The following EIF4G1 variants were observed in gnomAD, a reference collection of about 807,000 sequenced individuals.
EIF4G1 encodes eukaryotic translation initiation factor 4 gamma 1.
Under a neutral mutation model 187.8 loss-of-function variants are expected in EIF4G1, and 4 were observed. The ratio of observed to expected loss-of-function variants is 0.02; its 90% CI spans 0.01 to 0.05. The LOEUF is 0.05. Ranked by LOEUF, EIF4G1 falls within the 10% of genes least tolerant of loss-of-function variation. The pLI, the probability that EIF4G1 is intolerant of heterozygous loss-of-function variation, is 1.00. For synonymous variants in EIF4G1, 844 were observed against 781.4 expected (o/e 1.08, Z -1.34); for missense variants, 1,647 against 2,081.1 (o/e 0.79, Z 4.06).
rs1162063362 is a variant in EIF4G1 at position 184,326,052 on chromosome 3, GACTA to G, written c.3222+105_3222+108del. 11 of 1,286,474 alleles carry G rather than the reference GACTA, an allele frequency of 8.6e-6. No individual in the cohort carries two copies. The Admixed American group carries it at 1.8e-4, about 21-fold the overall frequency. 79.7% of individuals were successfully genotyped at this position (1,286,474 alleles called of 1,614,324 possible). A position where few individuals can be genotyped will look rare whatever the true frequency, so the allele number is the denominator to read the frequency against. ...GGTGACAGCTGAATGTTTCCTCTTA[GACTA>G]ACTGGTTGGATTGCTGGAGACAGGA... On this transcript the variant is annotated intron_variant, in intron 21 of 32. Coordinates refer to ENST00000346169, the MANE Select transcript of EIF4G1 (RefSeq NM_198241.3).
rs953513178 is a variant in EIF4G1, at chr3:184,316,129, C to T, written c.61-3C>T. 1.2e-6 allele frequency: 2 copies of T among 1,614,188 alleles called. No individual in the cohort carries two copies. The highest frequency in any genetic ancestry group is 2.2e-5 in the East Asian group (1 of 44,888). ...TTGCTGAACTCTGGTCTCCCCTCTTCAGCCAGCGTTTCCCCCGGGGCAGAC... is the reference window on the plus strand; with the variant it reads ...TTGCTGAACTCTGGTCTCCCCTCTTTAGCCAGCGTTTCCCCCGGGGCAGAC... On this transcript the variant is annotated splice_region_variant and splice_polypyrimidine_tract_variant and intron_variant, in intron 3 of 32. Coordinates refer to ENST00000346169, the MANE Select transcript of EIF4G1 (RefSeq NM_198241.3).
In EIF4G1 at chr3:184,334,971, G is replaced by T; in HGVS notation, c.*63G>T. On this transcript the variant is annotated 3_prime_UTR_variant, in exon 33 of 33. Coordinates refer to ENST00000346169, the MANE Select transcript of EIF4G1 (RefSeq NM_198241.3). The surrounding 1 kb of genome is among the most constrained non-coding windows in gnomAD (Gnocchi z 5.8). Reference sequence around the variant, plus strand: ...CACAGATGGCCCGGCTAGCCGCCTGGACTGCAGGGGGGCGGCAGCAGCGGC... The same window carrying T: ...CACAGATGGCCCGGCTAGCCGCCTGTACTGCAGGGGGGCGGCAGCAGCGGC... The T allele has an allele frequency of 6.2e-7, 1 of 1,603,368 alleles. No individual in the cohort carries two copies. The highest frequency in any genetic ancestry group is 1.7e-5 in the Admixed American group (1 of 58,956).
At chr3:184,322,275 T>C (rs776083137) in intron 10 of EIF4G1, 87 bp from the exon 11 acceptor site, 75 of 1,531,730 alleles carry the variant, frequency 4.9e-5, no homozygotes, top group Non-Finnish European at 6.5e-5. Context: ...ATACTGTTCT[T>C]TGGCTGCTTT....
chr3:184,329,421 A>G (rs531964422), intron 28 of EIF4G1, among the ~76,000 whole-genome samples: 4 of 152,326 alleles, frequency 2.6e-5, no homozygotes, highest in Non-Finnish European at 4.4e-5. Flanking sequence ...TCACGAGGTC[A>G]GGAGTTCAAG....
chr3:184,328,304 CTGCT>C, intron 26 of EIF4G1: 1 of 482,454 alleles, frequency 2.1e-6, no homozygotes, highest in Non-Finnish European at 3.8e-6. Flanking sequence ...GGCAGGAGAA[CTGCT>C]TGAACCCGGG....
Position 184,325,713 on chromosome 3 carries a change from T to A in EIF4G1, c.3121+74T>A, listed in dbSNP as rs757929059. 1.2e-6 allele frequency: 2 copies of A among 1,612,778 alleles called. No individual in the cohort carries two copies. The highest frequency in any genetic ancestry group is 3.3e-5 in the Admixed American group (2 of 60,014). ...GTTATACTTTCCTCTGATGACTTCC[T>A]GTTAGTGCCACGTGTCTGGGCCACT... On this transcript the variant is annotated intron_variant, in intron 20 of 32. Transcript: ENST00000346169. The surrounding 1 kb of genome is among the most constrained non-coding windows in gnomAD (Gnocchi z 5.2).
chr3:184,325,774 G>A lies in EIF4G1; in HGVS notation c.3122-77G>A, dbSNP rs765663346. Reference sequence around the variant, plus strand: ...GATGGAACTGAGGATCTGAGGAAGGGAGGCTGGGGGTGGCCCAAGGGGAAG... The same window carrying A: ...GATGGAACTGAGGATCTGAGGAAGGAAGGCTGGGGGTGGCCCAAGGGGAAG... On this transcript the variant is annotated intron_variant, in intron 20 of 32. Coordinates refer to ENST00000346169, the MANE Select transcript of EIF4G1 (RefSeq NM_198241.3). The surrounding 1 kb of genome is among the most constrained non-coding windows in gnomAD (Gnocchi z 5.2). 2.6e-5 allele frequency: 42 copies of A among 1,611,638 alleles called. No homozygotes were observed. Among genetic ancestry groups the A allele is most frequent in the Non-Finnish European group, 3.4e-5 (40 of 1,177,870 alleles).
chr3:184,321,159 C>G (rs1723836494), intron 9 of EIF4G1, 123 bp from the exon 10 acceptor site: 1 of 1,497,046 alleles, frequency 6.7e-7, no homozygotes, highest in Admixed American at 1.8e-5. Context: ...GGAAGTATAG[C>G]TTAGGTGGGG....
chr3:184,328,549 G>A, intron 26 of EIF4G1, 82 bp from the exon 27 acceptor site: 3 of 1,599,806 alleles, frequency 1.9e-6, no homozygotes, highest in Non-Finnish European at 1.7e-6. Flanking sequence ...TTCCATAGTT[G>A]ATGCCCTAGC....
rs115475261 is a variant in EIF4G1, at chr3:184,328,051, C to T, written c.3953+49C>T. 819 of 1,592,374 alleles carry T rather than the reference C, an allele frequency of 5.1e-4. 5 individuals carry two copies. In the African/African-American group the frequency reaches 0.01, roughly 20 times the overall value. The stretch of plus-strand genomic sequence containing the variant: ...CCCACTTATACAGACCCACAATTTT[C>T]TATCTCCTTTTTGGGACCCTTGGAA... On this transcript the variant is annotated intron_variant, in intron 26 of 32. Coordinates refer to ENST00000346169, the MANE Select transcript of EIF4G1 (RefSeq NM_198241.3).
intron 4 of EIF4G1, among the ~76,000 whole-genome samples, chr3:184,317,028 G>T (rs114007591): frequency 5.8e-4 from 89 of 152,332 alleles, no homozygotes; most frequent in Middle Eastern, 3.4e-3. Context: ...GCATCTCGGT[G>T]TTAGGAAGCC....
At chr3:184,320,092 A>G (rs1015657147) in intron 7 of EIF4G1, among the ~76,000 whole-genome samples, 3 of 151,970 alleles carry the variant, frequency 2.0e-5, no homozygotes, top group Non-Finnish European at 4.4e-5. Flanking sequence ...TGCCTTGGAA[A>G]TGGTTTGTTT....
intron 32 of EIF4G1, 107 bp downstream of exon 32, chr3:184,332,193 TAGAG>T (rs1672749674): frequency 4.0e-6 from 6 of 1,487,796 alleles, no homozygotes; most frequent in Non-Finnish European, 5.6e-6. Flanking sequence ...AGGTAGTCAT[TAGAG>T]AGCAAAATGC....
chr3:184,319,372 CAT>C, intron 6 of EIF4G1: 1 of 417,692 alleles, frequency 2.4e-6, no homozygotes, highest in Non-Finnish European at 4.5e-6. Context: ...GAAGGACAGA[CAT>C]AAGTCCTCCT....
At chr3:184,316,777 CT>C in intron 4 of EIF4G1, 1 of 1,583,134 alleles carries the variant, frequency 6.3e-7, no homozygotes, top group Admixed American at 1.7e-5. Context: ...TGGTCTCATC[CT>C]TACCCTCCAC....
chr3:184,328,490 G>T, intron 26 of EIF4G1, 141 bp from the exon 27 acceptor site: 1 of 1,155,640 alleles, frequency 8.7e-7, no homozygotes, highest in Non-Finnish European at 1.3e-6. Context: ...CACAGAGGTG[G>T]CCTTAGCTTG....
chr3:184,332,142 G>A, intron 32 of EIF4G1, 56 bp downstream of exon 32: 4 of 1,612,686 alleles, frequency 2.5e-6, no homozygotes, highest in Middle Eastern at 1.7e-4. Context: ...AGATAGCAGG[G>A]CATGAGACCC....
At chr3:184,330,786 G>C (rs2108516959) in intron 28 of EIF4G1, among the ~76,000 whole-genome samples, 1 of 152,100 alleles carries the variant, frequency 6.6e-6, no homozygotes, top group Admixed American at 6.5e-5. Flanking sequence ...GTGTCGCCCA[G>C]GCTGGAGTGC....
In EIF4G1 at chr3:184,331,521, C is replaced by T. The variant is rs1388029496; in HGVS notation, c.4310C>T (p.Ala1437Val). The T allele has an allele frequency of 6.2e-7, 1 of 1,614,166 alleles. No homozygotes were observed. The highest frequency in any genetic ancestry group is 1.7e-5 in the Admixed American group (1 of 60,010). Residue 1437 changes from alanine (A) to valine (V), a missense_variant, in exon 30 of 33, where the codon GCA becomes GTA. Coordinates refer to ENST00000346169, the MANE Select transcript of EIF4G1 (RefSeq NM_198241.3). ...GEESEAPGQR[A>V]LPSEELNRQL... ...GAGTCGGAAGCCCCTGGCCAGAGGG[C>T]ACTCCCCTCCGAGGAGCTGAACAGG...
Sources: gnomAD v4.1 joint callset for allele counts (sites outside exome capture counted in the v4.1 genomes callset) on GRCh38, gnomAD v4.1.1 for gene constraint, Gnocchi (gnomAD v3.1) non-coding constraint, MANE v1.5 for transcripts, NCBI Gene and HGNC (gene_info 2026-07-23, HGNC 2026-07-21) for gene names.